IFT57: variants seen among roughly 807,000 people sequenced by gnomAD.
IFT57 encodes intraflagellar transport protein 57 homolog.
In IFT57, 59 loss-of-function variants were observed where a neutral mutation model predicts 56.8. That is an observed-to-expected ratio of 1.04 (90% CI 0.84 to 1.29). IFT57 has a LOEUF of 1.29. Among genes scored for constraint, IFT57 ranks in the 50% most tolerant of loss-of-function variants. The pLI, the probability that IFT57 is intolerant of heterozygous loss-of-function variation, is 0.00. For synonymous variants in IFT57, 209 were observed against 186.1 expected (o/e 1.12, Z -1.00); for missense variants, 470 against 522.1 (o/e 0.90, Z 0.97).
chr3:108,167,733 A>G lies in IFT57; in HGVS notation c.849+60T>C, dbSNP rs1196821833. 6.0e-6 allele frequency: 7 copies of G among 1,167,810 alleles called. No individual in the cohort carries two copies. The Admixed American group carries it at 1.3e-4, about 21-fold the overall frequency. 72.3% of individuals were successfully genotyped at this position (1,167,810 alleles called of 1,614,324 possible). A position where few individuals can be genotyped will look rare whatever the true frequency, so the allele number is the denominator to read the frequency against. ...TCTTTTTATTCTTTCATGTTCTCTTATAACAGGTGTTCCACAGATGAGTAA... is the reference window on the plus strand; with the variant it reads ...TCTTTTTATTCTTTCATGTTCTCTTGTAACAGGTGTTCCACAGATGAGTAA... On this transcript the variant is annotated intron_variant, in intron 7 of 10. Coordinates refer to ENST00000264538, the MANE Select transcript of IFT57 (RefSeq NM_018010.4).
intron 6 of IFT57, among the ~76,000 whole-genome samples, chr3:108,189,626 TAGAGATATTTA>T (rs2080204039): frequency 6.6e-6 from 1 of 152,138 alleles, no homozygotes; most frequent in African/African-American, 2.4e-5. Flanking sequence ...GCCCCTTTTG[TAGAGATATTTA>T]CACTACCACT....
intron 6 of IFT57, among the ~76,000 whole-genome samples, chr3:108,183,259 G>A (rs957782568): frequency 3.3e-5 from 5 of 151,938 alleles, no homozygotes; most frequent in South Asian, 4.1e-4. Flanking sequence ...TTTCCTTTGG[G>A]TCAATACATG....
At chr3:108,195,629 T>G (rs1246901182) in intron 5 of IFT57, among the ~76,000 whole-genome samples, 1 of 152,162 alleles carries the variant, frequency 6.6e-6, no homozygotes, top group Admixed American at 6.5e-5. Flanking sequence ...CAATGGGATA[T>G]TATTTAGCCA....
intron 6 of IFT57, among the ~76,000 whole-genome samples, chr3:108,183,067 G>T (rs2080160511): frequency 6.6e-6 from 1 of 151,846 alleles, no homozygotes; most frequent in Non-Finnish European, 1.5e-5. Flanking sequence ...TTGAAGAAAA[G>T]GGCCTAAGTA....
At chr3:108,219,659 C>T in intron 1 of IFT57, 87 bp from the exon 2 acceptor site, 1 of 1,358,330 alleles carries the variant, frequency 7.4e-7, no homozygotes, top group Admixed American at 1.9e-5. Flanking sequence ...TCACAATTGT[C>T]CAACAATCTT....
chr3:108,216,894 A>G (rs936902769), intron 3 of IFT57, among the ~76,000 whole-genome samples: 1 of 152,140 alleles, frequency 6.6e-6, no homozygotes, highest in Non-Finnish European at 1.5e-5. Context: ...TCATAGAAGT[A>G]GAGAGTATAA....
Position 108,219,429 on chromosome 3 carries a change from A to C in IFT57, c.356T>G (p.Leu119Arg). Residue 119 changes from leucine to arginine, a missense_variant, in exon 2 of 11, where the codon CTA (leucine) becomes CGA (arginine). Leu to Arg is a moderately radical substitution (Grantham distance 102, BLOSUM62 -2). Transcript: ENST00000264538. ...DDPNATISNILSELRSFGRTA... is the reference protein window; with the variant it reads ...DDPNATISNIRSELRSFGRTA... ...ACTTACAAATGACCGAAGCTCGGAT[A>C]GTATGTTAGATATTGTTGCATTAGG... 6.2e-7 allele frequency: 1 copy of C among 1,613,748 alleles called. No individual in the cohort carries two copies. Among genetic ancestry groups the C allele is most frequent in the Non-Finnish European group, 8.5e-7 (1 of 1,179,654 alleles).
chr3:108,188,400 T>G (rs1039818603), intron 6 of IFT57, among the ~76,000 whole-genome samples: 1 of 152,150 alleles, frequency 6.6e-6, no homozygotes, highest in Non-Finnish European at 1.5e-5. Context: ...TTGCCATATC[T>G]GAAAGACTTA....
chr3:108,196,793 T>C (rs1333171598), intron 5 of IFT57, among the ~76,000 whole-genome samples: 2 of 152,322 alleles, frequency 1.3e-5, no homozygotes, highest in Non-Finnish European at 2.9e-5. Flanking sequence ...ATTCAAACTA[T>C]ACAGTTTCTT....
At chr3:108,194,915 A>G (rs1455602876) in intron 5 of IFT57, among the ~76,000 whole-genome samples, 2 of 152,198 alleles carry the variant, frequency 1.3e-5, no homozygotes, top group African/African-American at 2.4e-5. Context: ...CTGGGCAAAG[A>G]TTTCTTAAGT....
chr3:108,169,806 C>G (rs1474128399), intron 6 of IFT57, among the ~76,000 whole-genome samples: 8 of 152,000 alleles, frequency 5.3e-5, no homozygotes, highest in Non-Finnish European at 1.2e-4. Context: ...CCACCATGAT[C>G]AAGTCAGTTT....
chr3:108,179,928 T>A (rs544581042), intron 6 of IFT57, among the ~76,000 whole-genome samples: 4 of 152,124 alleles, frequency 2.6e-5, no homozygotes, highest in African/African-American at 7.2e-5. Flanking sequence ...ATGTGTGGTA[T>A]ATATTGTGGT....
At position 108,222,227 on chromosome 3, in the gene IFT57, C is replaced by G. The variant is rs116544864; in HGVS notation, c.96G>C (p.Arg32=). ...ACATGTGGTAGGCCGCGCCGGGCCC[C>G]CGCTCCAAGACCACTTCCCCGGTCC... The part of the protein sequence containing the change: ...GEGTGEVVLE[R]GPGAAYHMFV... The change falls in exon 1 of 11, where the codon CGG becomes CGC. Residue 32 remains arginine, a synonymous_variant. Transcript: ENST00000264538. 7.3e-4 allele frequency: 1,181 copies of G among 1,614,154 alleles called. 5 individuals are homozygous for G. In the East Asian group the frequency reaches 0.013, roughly 18 times the overall value.
chr3:108,176,978 T>C (rs2080127742), intron 6 of IFT57, among the ~76,000 whole-genome samples: 2 of 151,828 alleles, frequency 1.3e-5, no homozygotes, highest in Admixed American at 6.6e-5. Context: ...TAGCTATTTT[T>C]AAGCAGACTG....
chr3:108,206,418 T>C (rs1218045671), intron 5 of IFT57, among the ~76,000 whole-genome samples: 1 of 151,976 alleles, frequency 6.6e-6, no homozygotes, highest in African/African-American at 2.4e-5. Context: ...CAATTTTCCA[T>C]AATACAGACA....
chr3:108,203,358 A>ACATTTG (rs779808343), intron 5 of IFT57, among the ~76,000 whole-genome samples: 4 of 152,186 alleles, frequency 2.6e-5, no homozygotes, highest in Non-Finnish European at 5.9e-5. Context: ...CCTGCTTATG[A>ACATTTG]CATGTCTTTT....
At chr3:108,203,909 T>C (rs928847325) in intron 5 of IFT57, among the ~76,000 whole-genome samples, 4 of 152,220 alleles carry the variant, frequency 2.6e-5, no homozygotes, top group African/African-American at 9.6e-5. Context: ...ACGGCTGGGC[T>C]TGCACAGTCA....
chr3:108,188,303 C>T (rs2080196003), intron 6 of IFT57, among the ~76,000 whole-genome samples: 1 of 152,084 alleles, frequency 6.6e-6, no homozygotes. Flanking sequence ...TTTTCATTAG[C>T]TCCTTATTTT....
intron 6 of IFT57, among the ~76,000 whole-genome samples, chr3:108,179,573 T>C (rs1013001375): frequency 4.6e-5 from 7 of 152,186 alleles, no homozygotes; most frequent in African/African-American, 1.4e-4. Flanking sequence ...CAATCTCTTC[T>C]TTTTCTCATT....
Sources: allele counts gnomAD v4.1 joint callset (sites outside exome capture counted in the v4.1 genomes callset), GRCh38; gene constraint gnomAD v4.1.1; transcripts MANE v1.5; gene names NCBI Gene and HGNC (gene_info 2026-07-23, HGNC 2026-07-21).